CALCOCO2: variants seen among roughly 807,000 people sequenced by gnomAD.
CALCOCO2 encodes calcium binding and coiled-coil domain 2, also known as calcium-binding and coiled-coil domain-containing protein 2.
Under a neutral mutation model 62.5 loss-of-function variants are expected in CALCOCO2, and 42 were observed. The ratio of observed to expected loss-of-function variants is 0.67; its 90% CI spans 0.53 to 0.87. The LOEUF is 0.87. CALCOCO2 is among the 40% of genes least tolerant of loss of function. The pLI, the probability that CALCOCO2 is intolerant of heterozygous loss-of-function variation, is 0.00. For missense variants in CALCOCO2, 456 were observed against 515.0 expected (o/e 0.89, Z 1.11); for synonymous variants, 167 against 173.0 (o/e 0.97, Z 0.27).
At chr17:48,850,979 G>A (rs1179808834) in intron 5 of CALCOCO2, 110 bp from the exon 6 acceptor site, 5 of 661,190 alleles carry the variant, frequency 7.6e-6, no homozygotes, top group Non-Finnish European at 1.1e-5. Context: ...GCTGTGTCAT[G>A]CTATGCCTGA....
chr17:48,855,889 T>G, intron 9 of CALCOCO2: 1 of 276,820 alleles, frequency 3.6e-6, no homozygotes, highest in Non-Finnish European at 6.7e-6. Flanking sequence ...AAAATTGGCA[T>G]CTTGATGCCA....
chr17:48,831,209 G>A (rs2039806185), intron 1 of CALCOCO2, 131 bp downstream of exon 1: 1 of 152,476 alleles, frequency 6.6e-6, no homozygotes, highest in African/African-American at 2.4e-5. Context: ...ACCCTCTGGG[G>A]TGATAGTGGG....
chr17:48,840,272 G>A (rs1298326758), intron 1 of CALCOCO2, among the ~76,000 whole-genome samples: 4 of 152,046 alleles, frequency 2.6e-5, no homozygotes, highest in East Asian at 3.9e-4. Flanking sequence ...TGGGACTGCA[G>A]GTGAGCACCA....
In CALCOCO2 at chr17:48,863,790, C is replaced by T. The variant is rs2040358362; in HGVS notation, c.*785C>T. On this transcript the variant is annotated 3_prime_UTR_variant, in exon 13 of 13. Coordinates refer to ENST00000258947, the MANE Select transcript of CALCOCO2 (RefSeq NM_005831.5). ...ATATGGGTAAATCAGAATAATGAGA[C>T]AACTTGTTAATCTCTTTAATACTAA... is the stretch of plus-strand genomic sequence containing the variant. The T allele has an allele frequency of 6.6e-6, 1 of 152,094 alleles. No homozygotes were observed. The allele number at this position is 152,094 out of a possible 1,614,324, so 9.4% of individuals were successfully genotyped here. A position where few individuals can be genotyped will look rare whatever the true frequency, so the allele number is the denominator to read the frequency against.
Position 48,852,825 on chromosome 17 carries a change from T to A in CALCOCO2, c.826-101T>A. The A allele has an allele frequency of 1.5e-5, 15 of 1,019,874 alleles. No homozygotes were observed. In the South Asian group the frequency reaches 2.0e-4, roughly 14 times the overall value. 63.2% of individuals were successfully genotyped at this position (1,019,874 alleles called of 1,614,324 possible). A position where few individuals can be genotyped will look rare whatever the true frequency, so the allele number is the denominator to read the frequency against. ...TGACGAGAGAAGACTTGCCTCTCCC[T>A]ATGCATCCTGCTTGCTCATTAGCTT... On this transcript the variant is annotated intron_variant, in intron 8 of 12. Coordinates refer to ENST00000258947, the MANE Select transcript of CALCOCO2 (RefSeq NM_005831.5).
intron 5 of CALCOCO2, among the ~76,000 whole-genome samples, chr17:48,850,120 G>A (rs2040106479): frequency 6.6e-6 from 1 of 152,032 alleles, no homozygotes; most frequent in Non-Finnish European, 1.5e-5. Flanking sequence ...CCAAGATGGT[G>A]AAACCCCGTC....
chr17:48,860,328 G>A lies in CALCOCO2; in HGVS notation c.1023G>A (p.Glu341=), dbSNP rs780028173. The change falls in exon 11 of 13, where the codon GAG becomes GAA. Residue 341 remains glutamate (E), a synonymous_variant. Transcript: ENST00000258947. Reference sequence around the variant, plus strand: ...TCTATCCTTAGCTTTTGAAGAGGGAGAACAGCAGATTGCTCAGTTACATGG... The same window carrying A: ...TCTATCCTTAGCTTTTGAAGAGGGAAAACAGCAGATTGCTCAGTTACATGG... ...LEGENDLLKR[E]NSRLLSYMGL... The A allele has an allele frequency of 1.9e-6, 3 of 1,613,688 alleles. No homozygotes were observed. In the Admixed American group the frequency reaches 5.0e-5, roughly 27 times the overall value.
At chr17:48,858,047 A>T (rs76076399) in intron 10 of CALCOCO2, among the ~76,000 whole-genome samples, 85 of 812 alleles carry the variant, frequency 0.1, 8 homozygotes, top group Admixed American at 0.31. Flanking sequence ...TAGAATAGAA[A>T]ATAGAATAGA....
At chr17:48,849,742 G>A (rs1328532143) in intron 5 of CALCOCO2, among the ~76,000 whole-genome samples, 1 of 151,998 alleles carries the variant, frequency 6.6e-6, no homozygotes, top group East Asian at 1.9e-4. Context: ...GGCCTCAGGT[G>A]ATCCACTCGC....
chr17:48,846,588 T>C, intron 2 of CALCOCO2: 1 of 710,206 alleles, frequency 1.4e-6, no homozygotes, highest in Non-Finnish European at 2.5e-6. Flanking sequence ...TTGGTCACAG[T>C]GCATTAAGAA....
chr17:48,849,508 T>C, intron 5 of CALCOCO2, 131 bp downstream of exon 5: 1 of 795,298 alleles, frequency 1.3e-6, no homozygotes, highest in Non-Finnish European at 2.0e-6. Context: ...CAGGCATTAG[T>C]TTTGTTTGTT....
rs2303015 is a variant in CALCOCO2 at position 48,852,546 on chromosome 17, T to C, written c.743T>C (p.Val248Ala). The change falls in exon 8 of 13, where the codon GTT becomes GCT. Residue 248 changes from valine (V) to alanine (A), a missense_variant. Val to Ala is a moderately conservative substitution (Grantham distance 64, BLOSUM62 0). Coordinates refer to ENST00000258947, the MANE Select transcript of CALCOCO2 (RefSeq NM_005831.5). Reference protein sequence around the residue: ...STQEKEMEKLVQGDQDKTEQL... With the variant: ...STQEKEMEKLAQGDQDKTEQL... ...CAAGAGAAAGAAATGGAGAAGCTTG[T>C]TCAGGGAGATCAAGATAAGACAGAG... 93,153 of 1,612,440 alleles carry C rather than the reference T, an allele frequency of 0.058. 5,448 individuals carry two copies. The highest frequency in any genetic ancestry group is 0.28 in the African/African-American group (21,176 of 74,912).
At chr17:48,844,863 G>T (rs2040024781) in intron 2 of CALCOCO2, among the ~76,000 whole-genome samples, 1 of 152,184 alleles carries the variant, frequency 6.6e-6, no homozygotes, top group Admixed American at 6.5e-5. Context: ...ATTTTGTCCA[G>T]GTGCGGTGGC....
In CALCOCO2 at chr17:48,863,064, C is replaced by A; in HGVS notation, c.*59C>A. ...TATAGAATAGAACCTATAGCTTCTA[C>A]CATGAGTTATATGAGTCAAGATCCT... On this transcript the variant is annotated 3_prime_UTR_variant, in exon 13 of 13. Coordinates refer to ENST00000258947, the MANE Select transcript of CALCOCO2 (RefSeq NM_005831.5). The A allele has an allele frequency of 7.9e-7, 1 of 1,270,554 alleles. No individual in the cohort carries two copies. The highest frequency in any genetic ancestry group is 1.2e-6 in the Non-Finnish European group (1 of 868,002). The allele number at this position is 1,270,554 out of a possible 1,614,324, so 78.7% of individuals were successfully genotyped here.
rs576955363 is a variant in CALCOCO2 at position 48,857,275 on chromosome 17, G to A, written c.1008+1088G>A. ...TGCGATGGCACGATCTCAGCTCACC[G>A]CAACCTCCACCTTCCGGGTTCAAGC... is the stretch of plus-strand genomic sequence containing the variant. On this transcript the variant is annotated intron_variant, in intron 10 of 12. Coordinates refer to ENST00000258947, the MANE Select transcript of CALCOCO2 (RefSeq NM_005831.5). Among the ~76,000 whole-genome samples the A allele has an allele frequency of 1.9e-4, 26 of 140,424 alleles. No homozygotes were observed. The South Asian group carries it at 5.8e-3, about 31-fold the overall frequency. The allele number at this position is 140,424 out of a possible 152,430, so 92.1% of individuals were successfully genotyped here.
intron 7 of CALCOCO2, among the ~76,000 whole-genome samples, chr17:48,852,142 GAAAA>G (rs58441130): frequency 8.2e-6 from 1 of 121,382 alleles, no homozygotes; most frequent in Non-Finnish European, 1.8e-5. Context: ...TGTCTCAAGA[GAAAA>G]AAAAAAAAAA....
intron 10 of CALCOCO2, among the ~76,000 whole-genome samples, chr17:48,859,137 C>T (rs1013205756): frequency 2.1e-5 from 3 of 145,300 alleles, no homozygotes; most frequent in Non-Finnish European, 4.5e-5. Context: ...TTCCTAAGAA[C>T]TTGAAATGCT....
intron 7 of CALCOCO2, among the ~76,000 whole-genome samples, chr17:48,851,977 C>T (rs967533171): frequency 2.0e-5 from 3 of 152,038 alleles, no homozygotes; most frequent in African/African-American, 7.2e-5. Context: ...ACTAAAAATA[C>T]AAAAATTAGC....
intron 5 of CALCOCO2, among the ~76,000 whole-genome samples, chr17:48,850,626 T>C: frequency 6.6e-6 from 1 of 152,204 alleles, no homozygotes. Flanking sequence ...TCTGTCTATT[T>C]TGTCCACTGT....
Sources: gnomAD v4.1 joint callset for allele counts (sites outside exome capture counted in the v4.1 genomes callset) on GRCh38, gnomAD v4.1.1 for gene constraint, MANE v1.5 for transcripts, NCBI Gene and HGNC (gene_info 2026-07-23, HGNC 2026-07-21) for gene names.